COX10: variants seen among roughly 807,000 people sequenced by gnomAD.
The protein encoded by COX10 is protoheme IX farnesyltransferase, mitochondrial.
COX10 carries 27 observed loss-of-function variants against 37.3 expected under a neutral mutation model. The observed-to-expected ratio is 0.72, with a 90% CI of 0.53 to 1.00. The LOEUF is 1.00. Among genes scored for constraint, COX10 ranks in the 50% least tolerant of loss-of-function variants. The pLI is 0.00. For missense variants in COX10, 475 were observed against 563.2 expected (o/e 0.84, Z 1.59); for synonymous variants, 222 against 229.1 (o/e 0.97, Z 0.28).
chr17:14,081,117 T>C (rs1038497891), intron 3 of COX10, among the ~76,000 whole-genome samples: 6 of 152,224 alleles, frequency 3.9e-5, no homozygotes, highest in Non-Finnish European at 7.3e-5. Context: ...TCTGAGCATA[T>C]ATCATGCCGC....
At chr17:14,205,230 C>T (rs35991544) in intron 6 of COX10, among the ~76,000 whole-genome samples, 35,838 of 151,906 alleles carry the variant, frequency 0.24, 5,249 homozygotes, top group Admixed American at 0.32. Context: ...TTTTTTACAC[C>T]GCCCACACCT....
Position 14,207,365 on chromosome 17 carries a change from T to A in COX10, c.*152T>A, listed in dbSNP as rs886052602. On this transcript the variant is annotated 3_prime_UTR_variant, in exon 7 of 7. Coordinates refer to ENST00000261643, the MANE Select transcript of COX10 (RefSeq NM_001303.4). ...ATCACTTGACAGTTTTTTTTTTTTT[T>A]AAATATTACCCAAAATGCTCCCCAA... is the stretch of plus-strand genomic sequence containing the variant. 90 of 866,766 alleles carry A rather than the reference T, an allele frequency of 1.0e-4. No individual in the cohort carries two copies. Among genetic ancestry groups the A allele is most frequent in the South Asian group, 1.7e-4 (8 of 46,644 alleles). 53.7% of individuals were successfully genotyped at this position (866,766 alleles called of 1,614,324 possible). A position where few individuals can be genotyped will look rare whatever the true frequency, so the allele number is the denominator to read the frequency against.
At chr17:14,193,606 G>A (rs1158205687) in intron 6 of COX10, among the ~76,000 whole-genome samples, 1 of 146,708 alleles carries the variant, frequency 6.8e-6, no homozygotes, top group Non-Finnish European at 1.5e-5. Context: ...TGCAGTGGAT[G>A]AGGGAAGGGA....
At chr17:14,180,141 C>T (rs1221271903) in intron 5 of COX10, among the ~76,000 whole-genome samples, 1 of 151,352 alleles carries the variant, frequency 6.6e-6, no homozygotes, top group African/African-American at 2.4e-5. Context: ...TATTCATCAC[C>T]CAGGCACACT....
intron 1 of COX10, among the ~76,000 whole-genome samples, chr17:14,070,139 T>C (rs1914982522): frequency 6.6e-6 from 1 of 152,154 alleles, no homozygotes; most frequent in South Asian, 2.1e-4. Flanking sequence ...TTTGTCTCTG[T>C]ACCGCCAGAG....
At chr17:14,193,108 C>G (rs998361730) in intron 6 of COX10, among the ~76,000 whole-genome samples, 1 of 152,208 alleles carries the variant, frequency 6.6e-6, no homozygotes, top group African/African-American at 2.4e-5. Flanking sequence ...ATACCATATT[C>G]TAAAACGTAT....
At chr17:14,185,051 C>T (rs1480480235) in intron 5 of COX10, among the ~76,000 whole-genome samples, 2 of 150,432 alleles carry the variant, frequency 1.3e-5, no homozygotes, top group African/African-American at 2.4e-5. Context: ...TTCTCCTCAT[C>T]TTGCTTCTAG....
At chr17:14,198,511 T>TG (rs1906436325) in intron 6 of COX10, among the ~76,000 whole-genome samples, 1 of 152,230 alleles carries the variant, frequency 6.6e-6, no homozygotes, top group Non-Finnish European at 1.5e-5. Context: ...GATTTGCAGT[T>TG]GCCTTTGGCT....
At chr17:14,123,609 A>G (rs1916272052) in intron 4 of COX10, among the ~76,000 whole-genome samples, 1 of 152,244 alleles carries the variant, frequency 6.6e-6, no homozygotes, top group African/African-American at 2.4e-5. Context: ...AATGAAAGCC[A>G]TTAAATAGAG....
At chr17:14,122,120 A>G (rs1318183148) in intron 4 of COX10, among the ~76,000 whole-genome samples, 2 of 152,148 alleles carry the variant, frequency 1.3e-5, no homozygotes, top group Admixed American at 1.3e-4. Flanking sequence ...TTAGGGTGTT[A>G]TTACCATCGC....
Position 14,102,161 on chromosome 17 carries a change from G to T in COX10, c.543G>T (p.Pro181=). Reference sequence around the variant, plus strand: ...CTGCAGCTGGATTTGCATTGGCTCCGGGCCCTTTTGACTGGCCCTGTTTCC... The same window carrying T: ...CTGCAGCTGGATTTGCATTGGCTCCTGGCCCTTTTGACTGGCCCTGTTTCC... The part of the protein sequence containing the change: ...STTAAGFALA[P]GPFDWPCFLL... Residue 181 remains proline, a synonymous_variant, in exon 4 of 7, where the codon CCG becomes CCT. Coordinates refer to ENST00000261643, the MANE Select transcript of COX10 (RefSeq NM_001303.4). 1 of 1,613,650 alleles carries T rather than the reference G, an allele frequency of 6.2e-7. No homozygotes were observed. The highest frequency in any genetic ancestry group is 8.5e-7 in the Non-Finnish European group (1 of 1,179,726).
chr17:14,074,059 C>T (rs557415200), intron 1 of COX10, among the ~76,000 whole-genome samples: 24 of 152,224 alleles, frequency 1.6e-4, no homozygotes, highest in African/African-American at 5.8e-4. Flanking sequence ...GTGGTCATTT[C>T]AGCATTAAAT....
At chr17:14,107,728 T>A (rs1366778606) in intron 4 of COX10, among the ~76,000 whole-genome samples, 1 of 151,890 alleles carries the variant, frequency 6.6e-6, no homozygotes, top group African/African-American at 2.4e-5. Flanking sequence ...TCACATCCAT[T>A]ATTACTCTGC....
intron 5 of COX10, among the ~76,000 whole-genome samples, chr17:14,187,542 G>T (rs907389791): frequency 6.6e-6 from 1 of 152,082 alleles, no homozygotes; most frequent in African/African-American, 2.4e-5. Context: ...TTGGAAAAAG[G>T]CAGAGAAGAT....
chr17:14,195,933 G>A (rs1039170573), intron 6 of COX10, among the ~76,000 whole-genome samples: 1 of 151,978 alleles, frequency 6.6e-6, no homozygotes, highest in Admixed American at 6.5e-5. Context: ...ATAGGCAGAT[G>A]GTATTATTTG....
chr17:14,080,714 A>G (rs540426264), intron 3 of COX10, among the ~76,000 whole-genome samples: 1 of 151,998 alleles, frequency 6.6e-6, no homozygotes, highest in Admixed American at 6.6e-5. Context: ...GTCATTCCTT[A>G]TTGACTTTTT....
chr17:14,189,079 C>CT (rs150588459), intron 5 of COX10, among the ~76,000 whole-genome samples: 50,726 of 114,288 alleles, frequency 0.44, 11,156 homozygotes, highest in East Asian at 0.59. Flanking sequence ...TCATTTTCTT[C>CT]TTTTTTTTTT....
intron 4 of COX10, among the ~76,000 whole-genome samples, chr17:14,143,710 C>T (rs535816546): frequency 1.3e-5 from 2 of 152,260 alleles, no homozygotes; most frequent in Admixed American, 6.5e-5. Flanking sequence ...ATTTTCAACA[C>T]GTTGAACATT....
intron 4 of COX10, among the ~76,000 whole-genome samples, chr17:14,140,348 T>C (rs1904501609): frequency 1.3e-5 from 2 of 152,146 alleles, no homozygotes; most frequent in African/African-American, 4.8e-5. Flanking sequence ...AGAGTAATCT[T>C]AGTTAACATT....
Sources: gnomAD v4.1 joint callset for allele counts (sites outside exome capture counted in the v4.1 genomes callset) on GRCh38, gnomAD v4.1.1 for gene constraint, MANE v1.5 for transcripts, NCBI Gene and HGNC (gene_info 2026-07-23, HGNC 2026-07-21) for gene names.